Variants in CPNE4 observed in about 807,000 individuals in gnomAD.
CPNE4 encodes the protein copine-4.
CPNE4 carries 25 observed loss-of-function variants against 67.9 expected under a neutral mutation model. The ratio of observed to expected loss-of-function variants is 0.37; its 90% CI spans 0.27 to 0.51. The LOEUF (loss-of-function observed/expected upper bound fraction) is 0.51. CPNE4 is among the 20% of genes least tolerant of loss of function. The pLI, the probability that CPNE4 is intolerant of heterozygous loss-of-function variation, is 0.93. For missense variants in CPNE4, 464 were observed against 690.8 expected, an observed-to-expected ratio of 0.67 and a Z score of 3.68; for synonymous variants, 242 against 244.9, an observed-to-expected ratio of 0.99 and a Z score of 0.11.
chr3:131,977,172 T>G (rs991224495), intron 1 of CPNE4, among the ~76,000 whole-genome samples: 1 of 152,116 alleles, frequency 6.6e-6, no homozygotes, highest in East Asian at 1.9e-4. Context: ...TTTGTAAAGA[T>G]GAAAATCAAA....
intron 7 of CPNE4, among the ~76,000 whole-genome samples, chr3:131,599,782 G>A (rs1939099085): frequency 6.6e-6 from 1 of 152,170 alleles, no homozygotes; most frequent in Non-Finnish European, 1.5e-5. Context: ...AGAACTGGAT[G>A]CTGGAGGGGT....
intron 2 of CPNE4, among the ~76,000 whole-genome samples, chr3:131,782,290 T>G (rs2083448350): frequency 6.6e-6 from 1 of 152,086 alleles, no homozygotes. Flanking sequence ...ATGCAAAAGA[T>G]TTTTTATTTA....
intron 1 of CPNE4, among the ~76,000 whole-genome samples, chr3:132,029,026 C>T (rs964009320): frequency 6.6e-6 from 1 of 151,746 alleles, no homozygotes; most frequent in Non-Finnish European, 1.5e-5. Context: ...CACTTTTAAA[C>T]ACCTCACATT....
intron 2 of CPNE4, among the ~76,000 whole-genome samples, chr3:131,809,358 G>C (rs1560366739): frequency 2.0e-5 from 3 of 152,122 alleles, no homozygotes; most frequent in Admixed American, 1.3e-4. Context: ...AGATCCTCCA[G>C]AGGGAACACA....
chr3:131,873,674 G>T (rs1296681218), intron 2 of CPNE4, among the ~76,000 whole-genome samples: 1 of 152,150 alleles, frequency 6.6e-6, no homozygotes, highest in Non-Finnish European at 1.5e-5. Context: ...ATTCAGTAAT[G>T]ACTAATGCCC....
At chr3:131,978,231 A>ATTTATATATATATTTATATAT (rs1560721371) in intron 1 of CPNE4, among the ~76,000 whole-genome samples, 12 of 14,864 alleles carry the variant, frequency 8.1e-4, no homozygotes, top group African/African-American at 7.3e-3. Flanking sequence ...AAATTTACAT[A>ATTTATATATATATTTATATAT]TTTATATATA....
intron 7 of CPNE4, among the ~76,000 whole-genome samples, chr3:131,622,014 G>A (rs1940498086): frequency 9.9e-6 from 1 of 100,852 alleles, no homozygotes; most frequent in Non-Finnish European, 1.8e-5. Context: ...GCCAGACCCT[G>A]TCTCAAAAAA....
At chr3:131,570,152 G>T (rs1937259538) in intron 10 of CPNE4, among the ~76,000 whole-genome samples, 1 of 151,280 alleles carries the variant, frequency 6.6e-6, no homozygotes, top group Non-Finnish European at 1.5e-5. Flanking sequence ...GTATTTAAAG[G>T]AATACTGTAA....
intron 2 of CPNE4, among the ~76,000 whole-genome samples, chr3:131,848,569 AG>A (rs2107636967): frequency 6.6e-6 from 1 of 151,804 alleles, no homozygotes; most frequent in Admixed American, 6.6e-5. Context: ...TTTGCCAGGG[AG>A]GCTTCTAAAT....
At chr3:131,542,858 A>G in intron 14 of CPNE4, 65 bp from the exon 15 acceptor site, 2 of 1,164,786 alleles carry the variant, frequency 1.7e-6, no homozygotes, top group Non-Finnish European at 2.5e-6. Flanking sequence ...GGACAATACA[A>G]TACCAGTTAG....
chr3:131,996,259 T>C (rs976970749), intron 1 of CPNE4, among the ~76,000 whole-genome samples: 2 of 152,070 alleles, frequency 1.3e-5, no homozygotes, highest in Non-Finnish European at 2.9e-5. Flanking sequence ...ATGCCTTGGG[T>C]AATTTATAGC....
chr3:131,832,754 G>A (rs2085422143), intron 2 of CPNE4, among the ~76,000 whole-genome samples: 1 of 152,156 alleles, frequency 6.6e-6, no homozygotes, highest in South Asian at 2.1e-4. Context: ...ATATGATTTA[G>A]ATGACATTTA....
intron 2 of CPNE4, among the ~76,000 whole-genome samples, chr3:131,796,317 G>A (rs914496680): frequency 1.3e-5 from 2 of 152,112 alleles, no homozygotes; most frequent in African/African-American, 2.4e-5. Flanking sequence ...GGTCACTACC[G>A]ACCTCCCTTT....
intron 1 of CPNE4, among the ~76,000 whole-genome samples, chr3:131,906,494 C>T (rs1244267123): frequency 2.7e-5 from 4 of 148,124 alleles, no homozygotes; most frequent in Non-Finnish European, 5.9e-5. Flanking sequence ...TGAGTGAGAA[C>T]ACGCGGTGTT....
chr3:131,946,169 T>A (rs2071546356), intron 1 of CPNE4, among the ~76,000 whole-genome samples: 1 of 152,108 alleles, frequency 6.6e-6, no homozygotes, highest in South Asian at 2.1e-4. Flanking sequence ...TTAAGCAGTT[T>A]CTCCCCATCC....
chr3:131,836,791 A>G (rs1160605298), intron 2 of CPNE4, among the ~76,000 whole-genome samples: 1 of 152,208 alleles, frequency 6.6e-6, no homozygotes, highest in Non-Finnish European at 1.5e-5. Flanking sequence ...AACTCAAGCT[A>G]CAGATTGGGA....
chr3:131,865,647 G>A (rs945355820), intron 2 of CPNE4, among the ~76,000 whole-genome samples: 3 of 152,112 alleles, frequency 2.0e-5, no homozygotes, highest in African/African-American at 7.2e-5. Context: ...TTGTGCTTCT[G>A]ACCTCCACCA....
In CPNE4 at chr3:131,534,043, A is replaced by G. The variant is rs1321188260; in HGVS notation, c.*1152T>C. 2.0e-5 allele frequency: 3 copies of G among 152,196 alleles called. No individual in the cohort carries two copies. Among genetic ancestry groups the G allele is most frequent in the African/African-American group, 7.2e-5 (3 of 41,430 alleles). 9.4% of individuals were successfully genotyped at this position (152,196 alleles called of 1,614,324 possible). A position where few individuals can be genotyped will look rare whatever the true frequency, so the allele number is the denominator to read the frequency against. On this transcript the variant is annotated 3_prime_UTR_variant, in exon 16 of 16. Coordinates refer to ENST00000429747, the MANE Select transcript of CPNE4 (RefSeq NM_130808.3). ...AATTCCCACACTAAGCTCAAAGGTCAATTTAGTGGACCAGATATCGGGAGC... is the reference window on the plus strand; with the variant it reads ...AATTCCCACACTAAGCTCAAAGGTCGATTTAGTGGACCAGATATCGGGAGC...
intron 8 of CPNE4, among the ~76,000 whole-genome samples, chr3:131,586,988 A>G (rs1938221907): frequency 6.6e-6 from 1 of 152,184 alleles, no homozygotes; most frequent in African/African-American, 2.4e-5. Context: ...GCATGAAAGT[A>G]TTATTAATGT....
Sources: allele counts gnomAD v4.1 joint callset (sites outside exome capture counted in the v4.1 genomes callset), GRCh38; gene constraint gnomAD v4.1.1; transcripts MANE v1.5; gene names NCBI Gene and HGNC (gene_info 2026-07-23, HGNC 2026-07-21).